The following TMC6 variants were observed in gnomAD, a reference collection of about 807,000 sequenced individuals.
The protein encoded by TMC6 is transmembrane channel-like protein 6.
In TMC6, 71 loss-of-function variants were observed where a neutral mutation model predicts 95.4. The observed-to-expected ratio is 0.74, with a 90% confidence interval of 0.61 to 0.91. The LOEUF (loss-of-function observed/expected upper bound fraction) is 0.91. TMC6 is among the 40% of genes least tolerant of loss of function. TMC6 has a pLI of 0.00. For missense variants in TMC6, 1,074 were observed against 1,079.1 expected, an observed-to-expected ratio of 1.00 and a Z score of 0.07; for synonymous variants, 514 against 483.1, an observed-to-expected ratio of 1.06 and a Z score of -0.84.
chr17:78,113,083 T>C lies in TMC6; in HGVS notation c.*65A>G. On this transcript the variant is annotated 3_prime_UTR_variant, in exon 20 of 20. Transcript: ENST00000590602. ...TCCTTGTCCTGGTGTCCCAGCAGGG[T>C]CACTGGGAGGCAACAGTGTGGTCTC... 6.6e-7 allele frequency: 1 copy of C among 1,506,248 alleles called. No homozygotes were observed. The highest frequency in any genetic ancestry group is 9.0e-7 in the Non-Finnish European group (1 of 1,106,862). The allele number at this position is 1,506,248 out of a possible 1,614,324, so 93.3% of individuals were successfully genotyped here. A position where few individuals can be genotyped will look rare whatever the true frequency, so the allele number is the denominator to read the frequency against.
Position 78,122,641 on chromosome 17 carries a change from G to A in TMC6, c.1191C>T (p.Ser397=). ...WDYKVTQKRA[S]RLQQDNIRTR... ...TGCGAATATTGTCCTGCTGGAGGCG[G>A]GAGGCCCGCTTCTGCGTCACCTTGT... The change falls in exon 10 of 20, where the codon TCC becomes TCT. Residue 397 remains serine (S), a synonymous_variant. Coordinates refer to ENST00000590602, the MANE Select transcript of TMC6 (RefSeq NM_001127198.5). The surrounding 1 kb of genome is among the most constrained non-coding windows in gnomAD (Gnocchi z 4.9). 8.1e-6 allele frequency: 13 copies of A among 1,612,120 alleles called. No individual in the cohort carries two copies. The highest frequency in any genetic ancestry group is 1.1e-5 in the Non-Finnish European group (13 of 1,179,890).
At chr17:78,118,325 G>C (rs971200064) in intron 15 of TMC6, among the ~76,000 whole-genome samples, 1 of 151,872 alleles carries the variant, frequency 6.6e-6, no homozygotes, top group African/African-American at 2.4e-5. Flanking sequence ...GGGAGGCTGA[G>C]GTGGGCGATC....
chr17:78,117,737 C>G (rs2074202258), intron 16 of TMC6, 65 bp downstream of exon 16: 1 of 1,572,840 alleles, frequency 6.4e-7, no homozygotes, highest in African/African-American at 1.4e-5. Flanking sequence ...GCCTTGGGCC[C>G]CCCAGGCACC....
Position 78,123,999 on chromosome 17 carries a change from G to A in TMC6, c.1072C>T (p.Leu358=), listed in dbSNP as rs780554429. The change falls in exon 9 of 20, where the codon CTG becomes TTG. Residue 358 remains leucine (L), a synonymous_variant. Coordinates refer to ENST00000590602, the MANE Select transcript of TMC6 (RefSeq NM_001127198.5). ...GVSFFITCIT[L]VYSMAHSFGE... is the part of the protein sequence containing the mutation. The stretch of plus-strand genomic sequence containing the variant: ...AGGTGGAGGCATTACCTGTACACCA[G>A]GGTGATGCAGGTGATAAAGAAGCTC... The A allele has an allele frequency of 3.7e-6, 6 of 1,613,682 alleles. No homozygotes were observed. The Admixed American group carries it at 5.0e-5, about 13-fold the overall frequency.
Position 78,124,057 on chromosome 17 carries a change from G to T in TMC6, c.1014C>A (p.Asn338Lys), listed in dbSNP as rs1429751294. The T allele has an allele frequency of 5.6e-6, 9 of 1,613,632 alleles. No homozygotes were observed. Among genetic ancestry groups the T allele is most frequent in the Non-Finnish European group, 7.6e-6 (9 of 1,179,992 alleles). The change falls in exon 9 of 20, where the codon AAC becomes AAA. Residue 338 changes from asparagine to lysine, a missense_variant. Asn to Lys is a moderately conservative substitution (Grantham distance 94). Coordinates refer to ENST00000590602, the MANE Select transcript of TMC6 (RefSeq NM_001127198.5). ...CTPRVGGLPY[N>K]MPLAYLSTVG... ...CAGTGGAGAGGTAGGCCAGGGGCAT[G>T]TTGTAGGGCAGGCCACCCACCCTGG...
upstream of TMC6, among the ~76,000 whole-genome samples, chr17:78,130,252 A>G (rs528657087): frequency 3.9e-5 from 6 of 152,310 alleles, no homozygotes; most frequent in South Asian, 1.2e-3. Context: ...TACAGCAGTA[A>G]CACCAAGAGT....
chr17:78,131,289 A>G, upstream of TMC6: 1 of 531,808 alleles, frequency 1.9e-6, no homozygotes, highest in Non-Finnish European at 3.4e-6. Context: ...AGATGGGGAG[A>G]CTGAGGCCGT....
chr17:78,119,163 T>G, intron 14 of TMC6, 117 bp from the exon 15 acceptor site: 5 of 1,486,388 alleles, frequency 3.4e-6, no homozygotes, highest in Middle Eastern at 1.7e-4. Flanking sequence ...TCCCCGGGGT[T>G]AGGGTCTGCA....
intron 12 of TMC6, 33 bp from the exon 13 acceptor site, chr17:78,120,865 G>A (rs766212767): frequency 6.2e-6 from 10 of 1,610,050 alleles, no homozygotes; most frequent in Admixed American, 5.0e-5. Context: ...GCTGAGGGGC[G>A]GGTACAGGGG....
In TMC6 at chr17:78,112,804, C is replaced by A; in HGVS notation, c.*344G>T. ...CATCTGGGGCTTGGCCAGCAGAGGG[C>A]GCCCCCACTCCAGCTGAGGTTCCCA... is the stretch of plus-strand genomic sequence containing the variant. On this transcript the variant is annotated 3_prime_UTR_variant, in exon 20 of 20. Coordinates refer to ENST00000590602, the MANE Select transcript of TMC6 (RefSeq NM_001127198.5). The A allele has an allele frequency of 2.5e-6, 1 of 393,790 alleles. No individual in the cohort carries two copies. Among genetic ancestry groups the A allele is most frequent in the Non-Finnish European group, 4.6e-6 (1 of 216,164 alleles). 24.4% of individuals were successfully genotyped at this position (393,790 alleles called of 1,614,324 possible).
At chr17:78,120,321 T>G (rs2074349418) in intron 13 of TMC6, 1 of 409,758 alleles carries the variant, frequency 2.4e-6, no homozygotes, top group South Asian at 1.9e-5. Context: ...CACCACGCCC[T>G]GCTAATTTTT....
At chr17:78,115,702 G>GACCAGCTGCCGGGTGGACAGTACTCCT (rs1567983102) in intron 18 of TMC6, among the ~76,000 whole-genome samples, 1 of 26,762 alleles carries the variant, frequency 3.7e-5, no homozygotes. Flanking sequence ...TGGGCACAGG[G>GACCAGCTGCCGGGTGGACAGTACTCCT]GCGAAGGGAG....
intron 1 of TMC6, 194 bp from the exon 2 acceptor site, chr17:78,127,100 C>T (rs1048757967): frequency 1.9e-5 from 11 of 587,718 alleles, no homozygotes; most frequent in African/African-American, 1.9e-4. Flanking sequence ...GGGGCCCCCT[C>T]CAGTGTCAGG....
Position 78,112,173 on chromosome 17 carries a change from C to T in TMC6, c.*975G>A, listed in dbSNP as rs1190772595. The T allele has an allele frequency of 2.5e-5, 6 of 243,544 alleles. No homozygotes were observed. The highest frequency in any genetic ancestry group is 4.9e-5 in the Non-Finnish European group (6 of 121,896). The allele number at this position is 243,544 out of a possible 1,614,324, so 15.1% of individuals were successfully genotyped here. On this transcript the variant is annotated 3_prime_UTR_variant, in exon 20 of 20. Transcript: ENST00000590602. ...AGGCTGACGGGCTGGTCCCCACAGA[C>T]CTGGAGCACTGGGGTCATGACGGGC...
Position 78,124,675 on chromosome 17 carries a change from G to A in TMC6, c.740C>T (p.Ser247Phe), listed in dbSNP as rs1247331300. The A allele has an allele frequency of 1.2e-6, 2 of 1,608,962 alleles. No homozygotes were observed. The highest frequency in any genetic ancestry group is 1.7e-6 in the Non-Finnish European group (2 of 1,178,058). Residue 247 changes from serine to phenylalanine, a missense_variant, in exon 8 of 20, where the codon TCC (serine) becomes TTC (phenylalanine). By Grantham distance (155) the Ser-to-Phe change is radical (BLOSUM62 -2). Transcript: ENST00000590602. ...IGGQFGSSVL[S>F]YFLFLKTLLA... ...CAGGGTCTTGAGAAAGAGGAAGTAG[G>A]AGAGCACGCTGGAGCCGAACTGGCC... is the stretch of plus-strand genomic sequence containing the variant.
chr17:78,121,250 T>C lies in TMC6; in HGVS notation c.1384-86A>G. 6.5e-7 allele frequency: 1 copy of C among 1,532,030 alleles called. No individual in the cohort carries two copies. Among genetic ancestry groups the C allele is most frequent in the Non-Finnish European group, 8.8e-7 (1 of 1,141,490 alleles). 94.9% of individuals were successfully genotyped at this position (1,532,030 alleles called of 1,614,324 possible). A position where few individuals can be genotyped will look rare whatever the true frequency, so the allele number is the denominator to read the frequency against. ...TACAGGGAAGGGCCCGGGGTGGAAC[T>C]GGCAGGTAGCACCTCCCTCCTCCAA... On this transcript the variant is annotated intron_variant, in intron 11 of 19. Transcript: ENST00000590602. This position sits in a 1 kb window ranked among gnomAD's most constrained non-coding sequence, Gnocchi z 5.6.
intron 1 of TMC6, among the ~76,000 whole-genome samples, chr17:78,127,702 G>A (rs530170952): frequency 2.9e-4 from 44 of 152,288 alleles, no homozygotes; most frequent in African/African-American, 1.0e-3. Flanking sequence ...CTCCTCCTGC[G>A]CTCACCCTCA....
chr17:78,121,143 C>A lies in TMC6; in HGVS notation c.1405G>T (p.Glu469Ter). 1 of 1,601,484 alleles carries A rather than the reference C, an allele frequency of 6.2e-7. No individual in the cohort carries two copies. The highest frequency in any genetic ancestry group is 2.3e-5 in the East Asian group (1 of 44,130). The change falls in exon 12 of 20, where the codon GAG becomes TAG. Residue 469 changes from glutamate (E) to a stop codon, truncating the protein, a stop_gained. Coordinates refer to ENST00000590602, the MANE Select transcript of TMC6 (RefSeq NM_001127198.5). LOFTEE classifies it high-confidence loss of function. The surrounding 1 kb of genome is among the most constrained non-coding windows in gnomAD (Gnocchi z 5.6). ...AGGGGCAGGACCAGCAGCACAGCCT[C>A]CTGGCCAGCAGCCTCTGGACTCTGC... The part of the protein sequence containing the change: ...MIQSPEAAGQ[E>*]AVLLVLPLVV...
intron 19 of TMC6, 93 bp downstream of exon 19, chr17:78,113,455 C>A: frequency 6.9e-7 from 1 of 1,456,162 alleles, no homozygotes; most frequent in Non-Finnish European, 9.6e-7. Flanking sequence ...TCAGCAATGT[C>A]GTGGTGTAGC....
Sources: allele counts gnomAD v4.1 joint callset (sites outside exome capture counted in the v4.1 genomes callset), GRCh38; gene constraint gnomAD v4.1.1; non-coding constraint Gnocchi (gnomAD v3.1); transcripts MANE v1.5; gene names NCBI Gene and HGNC (gene_info 2026-07-23, HGNC 2026-07-21).